Variants in GALNT17 observed in about 807,000 individuals in gnomAD.
The protein encoded by GALNT17 is polypeptide N-acetylgalactosaminyltransferase 17, also known as UDP-GalNAc:polypeptide N-acetylgalactosaminyltransferase-like 3.
A neutral mutation model predicts 63.7 loss-of-function variants in GALNT17; 29 were observed. The ratio of observed to expected loss-of-function variants is 0.46; its 90% CI spans 0.34 to 0.62. GALNT17 has a LOEUF of 0.62. GALNT17 is among the 20% of genes least tolerant of loss of function. The probability of loss-of-function intolerance (pLI) is 0.01; values close to 1 mark genes in which losing one functional copy is unlikely to be tolerated. For missense variants in GALNT17, 603 were observed against 799.6 expected (o/e 0.75, Z 2.97); for synonymous variants, 305 against 318.3 (o/e 0.96, Z 0.45).
In GALNT17 at chr7:71,484,681, C is replaced by T. The variant is rs139952409; in HGVS notation, c.962+63576C>T. Among the ~76,000 whole-genome samples, 552 of 152,136 alleles carry T rather than the reference C, an allele frequency of 3.6e-3. 2 individuals carry two copies. Among genetic ancestry groups the T allele is most frequent in the Middle Eastern group, 0.027 (8 of 294 alleles). On this transcript the variant is annotated intron_variant, in intron 5 of 10. Transcript: ENST00000333538. ...TCCTGTGGGCCCACTGTCCTACATGCAATCTGTCATTAACCCAAACTTCAT... is the reference window on the plus strand; with the variant it reads ...TCCTGTGGGCCCACTGTCCTACATGTAATCTGTCATTAACCCAAACTTCAT...
At chr7:71,295,104 C>T (rs926019905) in intron 1 of GALNT17, among the ~76,000 whole-genome samples, 2 of 152,210 alleles carry the variant, frequency 1.3e-5, no homozygotes, top group East Asian at 1.9e-4. Flanking sequence ...TACAATGGGC[C>T]GAGGATACAC....
intron 1 of GALNT17, among the ~76,000 whole-genome samples, chr7:71,215,555 C>A (rs1789461764): frequency 6.6e-6 from 1 of 152,168 alleles, no homozygotes; most frequent in Non-Finnish European, 1.5e-5. Context: ...CAGACCCCAT[C>A]TGTCACCTGG....
At chr7:71,391,912 G>A (rs982453641) in intron 3 of GALNT17, among the ~76,000 whole-genome samples, 6 of 152,154 alleles carry the variant, frequency 3.9e-5, no homozygotes, top group African/African-American at 1.2e-4. Flanking sequence ...ATGGCAGAAG[G>A]GAAGGGGAGC....
intron 5 of GALNT17, among the ~76,000 whole-genome samples, chr7:71,509,398 G>A (rs1788317991): frequency 6.6e-6 from 1 of 152,218 alleles, no homozygotes; most frequent in African/African-American, 2.4e-5. Flanking sequence ...CCAAGCATAA[G>A]TGGAGGAGTG....
At chr7:71,540,093 C>CTTTT (rs71089954) in intron 5 of GALNT17, among the ~76,000 whole-genome samples, 427 of 33,542 alleles carry the variant, frequency 0.013, 137 homozygotes, top group Middle Eastern at 0.036. Flanking sequence ...TGTGCCTGGC[C>CTTTT]TTTTTTTTTT....
intron 2 of GALNT17, among the ~76,000 whole-genome samples, chr7:71,346,568 C>T (rs1042719833): frequency 1.3e-5 from 2 of 152,068 alleles, no homozygotes; most frequent in Non-Finnish European, 1.5e-5. Flanking sequence ...AGTGCAGGGA[C>T]CTGGATTCAA....
intron 1 of GALNT17, among the ~76,000 whole-genome samples, chr7:71,202,254 A>G (rs533574318): frequency 6.6e-6 from 1 of 152,314 alleles, no homozygotes; most frequent in African/African-American, 2.4e-5. Context: ...AATTAGATAA[A>G]TTTTAATTAA....
chr7:71,591,325 G>A (rs1789797371), intron 6 of GALNT17, among the ~76,000 whole-genome samples: 1 of 152,118 alleles, frequency 6.6e-6, no homozygotes, highest in Admixed American at 6.5e-5. Context: ...CAGAGTGCTG[G>A]GATTACAGGC....
intron 5 of GALNT17, among the ~76,000 whole-genome samples, chr7:71,538,201 G>C (rs1020174368): frequency 3.9e-5 from 6 of 152,198 alleles, no homozygotes; most frequent in Non-Finnish European, 2.9e-5. Context: ...AGTGGTTAAA[G>C]ATATTTAAGA....
In GALNT17 at chr7:71,486,190, G is replaced by A. The variant is rs994035441; in HGVS notation, c.962+65085G>A. On this transcript the variant is annotated intron_variant, in intron 5 of 10. Coordinates refer to ENST00000333538, the MANE Select transcript of GALNT17 (RefSeq NM_022479.3). ...CTAAAAATGCAAAAATTTGCCGGGC[G>A]TGGTGGCACATGCCTGTAATCCCAG... Among the ~76,000 whole-genome samples the A allele has an allele frequency of 1.3e-4, 19 of 151,886 alleles. No homozygotes were observed. The East Asian group carries it at 3.3e-3, about 27-fold the overall frequency.
chr7:71,498,924 G>C (rs1400164761), intron 5 of GALNT17, among the ~76,000 whole-genome samples: 1 of 152,162 alleles, frequency 6.6e-6, no homozygotes, highest in Non-Finnish European at 1.5e-5. Context: ...CTACCTTTGA[G>C]GACATGGTGA....
At chr7:71,278,895 T>C (rs960164197) in intron 1 of GALNT17, among the ~76,000 whole-genome samples, 7 of 151,760 alleles carry the variant, frequency 4.6e-5, no homozygotes, top group African/African-American at 1.5e-4. Context: ...CTTCCCTCTG[T>C]GTATCTCTTT....
rs34691979 is a variant in GALNT17 at position 71,199,522 on chromosome 7, T to TCATCCATC, written c.238+66520_238+66527dup. 5.2e-3 allele frequency among the ~76,000 whole-genome samples: 739 copies of TCATCCATC among 142,786 alleles called. 3 individuals are homozygous for TCATCCATC. The highest frequency in any genetic ancestry group is 0.018 in the African/African-American group (665 of 36,688). 93.7% of individuals were successfully genotyped at this position (142,786 alleles called of 152,430 possible). The stretch of plus-strand genomic sequence containing the variant: ...ACATCCATCCACTAACCCCATCCAT[T>TCATCCATC]CATCCATCCATCCATCCATCCATCC... On this transcript the variant is annotated intron_variant, in intron 1 of 10. Coordinates refer to ENST00000333538, the MANE Select transcript of GALNT17 (RefSeq NM_022479.3).
chr7:71,687,247 A>C (rs1055593636), intron 9 of GALNT17, among the ~76,000 whole-genome samples: 3 of 152,252 alleles, frequency 2.0e-5, no homozygotes, highest in Non-Finnish European at 2.9e-5. Flanking sequence ...TCCTGTAATT[A>C]AATTCAATCT....
intron 2 of GALNT17, among the ~76,000 whole-genome samples, chr7:71,352,613 T>TGA (rs1792209641): frequency 6.6e-6 from 1 of 152,044 alleles, no homozygotes; most frequent in Non-Finnish European, 1.5e-5. Context: ...ATCTGGAGCT[T>TGA]GAGAGAGAGA....
chr7:71,654,319 C>T (rs1344145903), intron 6 of GALNT17, among the ~76,000 whole-genome samples: 1 of 152,144 alleles, frequency 6.6e-6, no homozygotes, highest in Non-Finnish European at 1.5e-5. Flanking sequence ...GCCACTGCGC[C>T]CGGCCGGCTG....
At chr7:71,388,521 G>T in intron 3 of GALNT17, 120 bp downstream of exon 3, 11 of 1,260,776 alleles carry the variant, frequency 8.7e-6, no homozygotes, top group Non-Finnish European at 1.2e-5. Flanking sequence ...CTGGGGAAGG[G>T]ATATTTTTTC....
At chr7:71,554,455 C>T (rs1291074511) in intron 5 of GALNT17, among the ~76,000 whole-genome samples, 1 of 152,156 alleles carries the variant, frequency 6.6e-6, no homozygotes, top group African/African-American at 2.4e-5. Context: ...ATAACTTACC[C>T]AGTCTTGGGG....
chr7:71,306,393 C>T (rs1791297737), intron 1 of GALNT17, among the ~76,000 whole-genome samples: 1 of 151,596 alleles, frequency 6.6e-6, no homozygotes, highest in Non-Finnish European at 1.5e-5. Context: ...CAATAACTCC[C>T]CCTACCTGCT....
Sources: allele counts gnomAD v4.1 joint callset (sites outside exome capture counted in the v4.1 genomes callset), GRCh38; gene constraint gnomAD v4.1.1; transcripts MANE v1.5; gene names NCBI Gene and HGNC (gene_info 2026-07-23, HGNC 2026-07-21).